The following ANKRD28 variants were observed in gnomAD, a reference collection of about 807,000 sequenced individuals.
ANKRD28 encodes serine/threonine-protein phosphatase 6 regulatory ankyrin repeat subunit A.
ANKRD28 carries 44 observed loss-of-function variants against 126.5 expected under a neutral mutation model. That is an observed-to-expected ratio of 0.35 (90% CI 0.27 to 0.45). ANKRD28 has a LOEUF of 0.45. Ranked by LOEUF, ANKRD28 falls within the 20% of genes least tolerant of loss-of-function variation. The probability of loss-of-function intolerance (pLI) is 1.00; values close to 1 mark genes in which losing one functional copy is unlikely to be tolerated. For missense variants in ANKRD28, 1,110 were observed against 1,316.6 expected, an observed-to-expected ratio of 0.84 and a Z score of 2.43; for synonymous variants, 442 against 468.5, an observed-to-expected ratio of 0.94 and a Z score of 0.73.
chr3:15,761,108 G>A (rs1157923182), intron 3 of ANKRD28, among the ~76,000 whole-genome samples: 1 of 152,128 alleles, frequency 6.6e-6, no homozygotes, highest in Non-Finnish European at 1.5e-5. Context: ...GGATATCGCA[G>A]TAGTTTTTAA....
intron 6 of ANKRD28, among the ~76,000 whole-genome samples, chr3:15,724,849 C>A (rs1001647772): frequency 6.6e-6 from 1 of 152,086 alleles, no homozygotes; most frequent in Non-Finnish European, 1.5e-5. Flanking sequence ...GGTATGGTGG[C>A]ATGCACCTGT....
In ANKRD28 at chr3:15,669,012, TTCTC is replaced by T. The variant is rs765141207; in HGVS notation, c.*1254_*1257del. 1.3e-5 allele frequency: 2 copies of T among 152,560 alleles called. No homozygotes were observed. The highest frequency in any genetic ancestry group is 1.3e-4 in the Admixed American group (2 of 15,284). 9.5% of individuals were successfully genotyped at this position (152,560 alleles called of 1,614,324 possible). On this transcript the variant is annotated 3_prime_UTR_variant, in exon 28 of 28. Transcript: ENST00000683139. ...TTATTTAAAAGCCGAAATATCAGCC[TTCTC>T]TCTCTCTTTTGCTATTTGAAAGGTA...
At chr3:15,850,257 AG>A (rs1435883981) in intron 1 of ANKRD28, among the ~76,000 whole-genome samples, 35 of 141,878 alleles carry the variant, frequency 2.5e-4, no homozygotes, top group African/African-American at 7.2e-4. Context: ...AGAGAGAGAG[AG>A]AGAGAAAGTT....
chr3:15,765,530 A>G (rs767382836), intron 3 of ANKRD28, among the ~76,000 whole-genome samples: 6 of 152,156 alleles, frequency 3.9e-5, no homozygotes, highest in Non-Finnish European at 8.8e-5. Flanking sequence ...AATGAGGCCT[A>G]CTATAACTGT....
Position 15,829,669 on chromosome 3 carries a change from A to G in ANKRD28, c.27+29708T>C, listed in dbSNP as rs557048936. On this transcript the variant is annotated intron_variant, in intron 1 of 27. Coordinates refer to the ANKRD28 transcript ENST00000399451. ...ATATACAATATCAAAAGTCATATTT[A>G]TTAATATTACTACCAAAGCCACCAC... 2.6e-5 allele frequency among the ~76,000 whole-genome samples: 4 copies of G among 152,278 alleles called. No individual in the cohort carries two copies. In the South Asian group the frequency reaches 8.3e-4, roughly 32 times the overall value.
rs1225828153 is a variant in ANKRD28 at position 15,670,125 on chromosome 3, T to C, written c.*145A>G. ...TAAAACTTGCCTTTAAAACTCTTCC[T>C]CCTAATGCCATCAGATCTCTTAACA... On this transcript the variant is annotated 3_prime_UTR_variant, in exon 28 of 28. Transcript: ENST00000683139. 1.7e-5 allele frequency: 15 copies of C among 898,500 alleles called. No individual in the cohort carries two copies. Among genetic ancestry groups the C allele is most frequent in the Non-Finnish European group, 2.5e-5 (15 of 606,874 alleles). The allele number at this position is 898,500 out of a possible 1,614,324, so 55.7% of individuals were successfully genotyped here. A position where few individuals can be genotyped will look rare whatever the true frequency, so the allele number is the denominator to read the frequency against.
chr3:15,810,273 G>GAA (rs953638649), intron 1 of ANKRD28, among the ~76,000 whole-genome samples: 3 of 139,844 alleles, frequency 2.1e-5, no homozygotes, highest in African/African-American at 5.2e-5. Flanking sequence ...TTCTCTGGGA[G>GAA]AAAAAAAAAA....
chr3:15,831,925 T>C (rs565241297), intron 1 of ANKRD28, among the ~76,000 whole-genome samples: 1 of 152,342 alleles, frequency 6.6e-6, no homozygotes, highest in African/African-American at 2.4e-5. Context: ...ACTAGTTTTC[T>C]TCAACCTTGG....
chr3:15,742,119 T>TC (rs2057078397), intron 4 of ANKRD28, among the ~76,000 whole-genome samples: 1 of 152,284 alleles, frequency 6.6e-6, no homozygotes, highest in Non-Finnish European at 1.5e-5. Flanking sequence ...TGCCTTGGCC[T>TC]CCCAAAGTGC....
intron 1 of ANKRD28, among the ~76,000 whole-genome samples, chr3:15,831,071 T>A (rs2061178025): frequency 1.3e-5 from 2 of 152,186 alleles, no homozygotes; most frequent in Admixed American, 1.3e-4. Flanking sequence ...TGGACCTCTG[T>A]CCTATGCACC....
rs2072748887 is a variant in ANKRD28 at position 15,714,482 on chromosome 3, T to C, written c.1075+96A>G. 8 of 856,596 alleles carry C rather than the reference T, an allele frequency of 9.3e-6. No individual in the cohort carries two copies. The South Asian group carries it at 1.5e-4, about 16-fold the overall frequency. 53.1% of individuals were successfully genotyped at this position (856,596 alleles called of 1,614,324 possible). Reference sequence around the variant, plus strand: ...TGTATTAAAAATACACAAAATGCGATGACAATTCCTCAATACCATTCATTT... The same window carrying C: ...TGTATTAAAAATACACAAAATGCGACGACAATTCCTCAATACCATTCATTT... On this transcript the variant is annotated intron_variant, in intron 9 of 27. Coordinates refer to ENST00000683139, the MANE Select transcript of ANKRD28 (RefSeq NM_001349278.2).
chr3:15,714,714 GT>G, intron 8 of ANKRD28, 58 bp from the exon 9 acceptor site: 1 of 1,226,456 alleles, frequency 8.2e-7, no homozygotes. Flanking sequence ...GTAAACCTTA[GT>G]TTTACTTTGA....
intron 25 of ANKRD28, 77 bp downstream of exon 25, chr3:15,677,402 AT>A: frequency 9.3e-7 from 1 of 1,070,144 alleles, no homozygotes; most frequent in Non-Finnish European, 1.4e-6. Context: ...TGAGTTGTTC[AT>A]TTTAGTGAAG....
chr3:15,748,757 G>A (rs1159546738), intron 4 of ANKRD28, among the ~76,000 whole-genome samples: 3 of 152,152 alleles, frequency 2.0e-5, no homozygotes, highest in Non-Finnish European at 4.4e-5. Flanking sequence ...GGCTGGGAAA[G>A]TTTCCCTCAA....
At chr3:15,760,125 A>G (rs1028420177) in intron 3 of ANKRD28, among the ~76,000 whole-genome samples, 8 of 152,178 alleles carry the variant, frequency 5.3e-5, no homozygotes, top group African/African-American at 1.9e-4. Flanking sequence ...ATCAACAAAA[A>G]AAGGAAACTA....
chr3:15,797,827 C>T lies in ANKRD28; in HGVS notation c.-1306G>A. 2.0e-6 allele frequency: 2 copies of T among 985,364 alleles called. No individual in the cohort carries two copies. Among genetic ancestry groups the T allele is most frequent in the Non-Finnish European group, 2.4e-6 (2 of 829,924 alleles). 61.0% of individuals were successfully genotyped at this position (985,364 alleles called of 1,614,324 possible). The stretch of plus-strand genomic sequence containing the variant: ...GATCTTGCAAAACACCACTGACATC[C>T]CCAAATGAGTAGGTCCTTAAAAAAT... On this transcript the variant is annotated 5_prime_UTR_variant, in exon 1 of 28. Coordinates refer to ENST00000683139, the MANE Select transcript of ANKRD28 (RefSeq NM_001349278.2).
rs2061396198 is a variant in ANKRD28, at chr3:15,839,930, C to T, written c.27+19447G>A. On this transcript the variant is annotated intron_variant, in intron 1 of 27. Coordinates refer to the ANKRD28 transcript ENST00000399451. This position sits in a 1 kb window ranked among gnomAD's most constrained non-coding sequence, Gnocchi z 4.3. ...CATAATGAAAGCCATATACCACAGA[C>T]ACATAGCTAGTATCACACTGAATGG... is the stretch of plus-strand genomic sequence containing the variant. Among the ~76,000 whole-genome samples, 1 of 152,162 alleles carries T rather than the reference C, an allele frequency of 6.6e-6. No individual in the cohort carries two copies.
At chr3:15,761,820 T>C (rs2058471207) in intron 3 of ANKRD28, among the ~76,000 whole-genome samples, 1 of 152,146 alleles carries the variant, frequency 6.6e-6, no homozygotes, top group Non-Finnish European at 1.5e-5. Context: ...AAAATGGATA[T>C]AACATGAATG....
rs142797186 is a variant in ANKRD28 at position 15,715,047 on chromosome 3, A to G, written c.997-391T>C. Among the ~76,000 whole-genome samples the G allele has an allele frequency of 6.8e-4, 103 of 152,232 alleles. 2 individuals carry two copies. The East Asian group carries it at 0.019, about 28-fold the overall frequency. ...AATTTTGTGTGGATACATTTAAAAA[A>G]ATAAATACAAATAATTAAAACTACA... On this transcript the variant is annotated intron_variant, in intron 8 of 27. Transcript: ENST00000683139.
Sources: allele counts gnomAD v4.1 joint callset (sites outside exome capture counted in the v4.1 genomes callset), GRCh38; gene constraint gnomAD v4.1.1; non-coding constraint Gnocchi (gnomAD v3.1); transcripts MANE v1.5; gene names NCBI Gene and HGNC (gene_info 2026-07-23, HGNC 2026-07-21).